Variants in ARHGEF26 observed in about 807,000 individuals in gnomAD.
ARHGEF26 encodes Rho guanine nucleotide exchange factor 26.
In ARHGEF26, 59 loss-of-function variants were observed where a neutral mutation model predicts 89.4. The ratio of observed to expected loss-of-function variants is 0.66; its 90% CI spans 0.54 to 0.82. ARHGEF26 has a LOEUF of 0.82. ARHGEF26 is among the 40% of genes least tolerant of loss of function. ARHGEF26 has a pLI of 0.00. For synonymous variants in ARHGEF26, 500 were observed against 428.4 expected (o/e 1.17, Z -2.06); for missense variants, 1,234 against 1,085.6 (o/e 1.14, Z -1.92).
intron 9 of ARHGEF26, among the ~76,000 whole-genome samples, chr3:154,211,178 C>A (rs1051416614): frequency 6.6e-6 from 1 of 152,022 alleles, no homozygotes; most frequent in Admixed American, 6.5e-5. Flanking sequence ...GTCATGTGAG[C>A]CCCCATTCCA....
At chr3:154,250,259 C>T (rs1376237081) in intron 12 of ARHGEF26, among the ~76,000 whole-genome samples, 3 of 152,140 alleles carry the variant, frequency 2.0e-5, no homozygotes, top group Admixed American at 1.3e-4. Context: ...GAACTCCTGA[C>T]CTCAGGTGAT....
At chr3:154,200,648 A>G (rs939200718) in intron 9 of ARHGEF26, among the ~76,000 whole-genome samples, 3 of 151,768 alleles carry the variant, frequency 2.0e-5, no homozygotes, top group African/African-American at 4.8e-5. Context: ...TTCTTTGGGT[A>G]GTATGGACTT....
chr3:154,157,881 A>G (rs1330166248), intron 6 of ARHGEF26, among the ~76,000 whole-genome samples: 2 of 152,170 alleles, frequency 1.3e-5, no homozygotes, highest in Non-Finnish European at 2.9e-5. Context: ...GGTTAGAACT[A>G]CAGAAAAATC....
chr3:154,147,016 A>T (rs1719742158), intron 4 of ARHGEF26, among the ~76,000 whole-genome samples: 1 of 152,204 alleles, frequency 6.6e-6, no homozygotes, highest in African/African-American at 2.4e-5. Context: ...AGTTCAAATG[A>T]GGTTGCTTTG....
chr3:154,237,501 CACTGCACTCCAG>C (rs1350238160), intron 11 of ARHGEF26, among the ~76,000 whole-genome samples: 1 of 151,230 alleles, frequency 6.6e-6, no homozygotes, highest in East Asian at 2.0e-4. Context: ...GAGAGTGCAC[CACTGCACTCCAG>C]CCTGGGTGAC....
intron 6 of ARHGEF26, among the ~76,000 whole-genome samples, chr3:154,164,745 C>T (rs1255050029): frequency 1.3e-5 from 2 of 152,170 alleles, no homozygotes; most frequent in African/African-American, 4.8e-5. Context: ...GTAGCTTCTA[C>T]TTCTTATTCT....
At chr3:154,157,022 G>A (rs2108108653) in intron 6 of ARHGEF26, among the ~76,000 whole-genome samples, 1 of 152,164 alleles carries the variant, frequency 6.6e-6, no homozygotes, top group East Asian at 1.9e-4. Context: ...TGTGGCTTAG[G>A]TTGTTGACTG....
chr3:154,135,297 A>G (rs1027569665), intron 4 of ARHGEF26, among the ~76,000 whole-genome samples: 11 of 151,982 alleles, frequency 7.2e-5, no homozygotes, highest in Admixed American at 7.2e-4. Flanking sequence ...TCCCTAGTTC[A>G]GTCTTGGGAG....
intron 11 of ARHGEF26, among the ~76,000 whole-genome samples, chr3:154,231,783 A>G (rs1476145928): frequency 1.3e-5 from 2 of 152,112 alleles, no homozygotes; most frequent in African/African-American, 2.4e-5. Context: ...CTTTAACTCT[A>G]TGCCTTTCCC....
At chr3:154,153,891 A>G (rs1349308399) in intron 6 of ARHGEF26, among the ~76,000 whole-genome samples, 1 of 152,090 alleles carries the variant, frequency 6.6e-6, no homozygotes, top group Non-Finnish European at 1.5e-5. Flanking sequence ...CTGCACATTA[A>G]AACTTTCCTT....
At chr3:154,158,795 A>AT (rs58546773) in intron 6 of ARHGEF26, among the ~76,000 whole-genome samples, 2 of 151,804 alleles carry the variant, frequency 1.3e-5, no homozygotes. Flanking sequence ...ATTTCCTTTG[A>AT]TTTTTTTTTG....
At position 154,257,065 on chromosome 3, in the gene ARHGEF26, G is replaced by A. The variant is rs148433801; in HGVS notation, c.*1592G>A. 6.7e-4 allele frequency: 902 copies of A among 1,345,844 alleles called. 8 individuals are homozygous for A. In the African/African-American group the frequency reaches 1.0e-2, roughly 15 times the overall value. 83.4% of individuals were successfully genotyped at this position (1,345,844 alleles called of 1,614,324 possible). On this transcript the variant is annotated 3_prime_UTR_variant, in exon 15 of 15. Transcript: ENST00000465093. ...ATGTGACATGTCCCAACTACTGTCC[G>A]CTAACTAGTTATCCAAATTGTAAAG...
intron 3 of ARHGEF26, among the ~76,000 whole-genome samples, chr3:154,128,587 G>A (rs1477583643): frequency 6.6e-6 from 1 of 152,120 alleles, no homozygotes; most frequent in Non-Finnish European, 1.5e-5. Flanking sequence ...TTGTACTCCA[G>A]CCATGCAGTC....
chr3:154,148,914 T>C (rs1719841344), intron 4 of ARHGEF26, among the ~76,000 whole-genome samples: 1 of 152,156 alleles, frequency 6.6e-6, no homozygotes, highest in Admixed American at 6.5e-5. Flanking sequence ...GGTACAGACT[T>C]GGTATTAGAA....
At chr3:154,222,907 A>AGCTT (rs1184431933) in intron 10 of ARHGEF26, among the ~76,000 whole-genome samples, 1 of 152,144 alleles carries the variant, frequency 6.6e-6, no homozygotes, top group Non-Finnish European at 1.5e-5. Flanking sequence ...AAGACAGGAG[A>AGCTT]GCTTATCCTC....
Position 154,256,213 on chromosome 3 carries a change from A to G in ARHGEF26, c.*740A>G, listed in dbSNP as rs1401738690. 1 of 985,722 alleles carries G rather than the reference A, an allele frequency of 1.0e-6. No individual in the cohort carries two copies. Among genetic ancestry groups the G allele is most frequent in the South Asian group, 4.7e-5 (1 of 21,292 alleles). 61.1% of individuals were successfully genotyped at this position (985,722 alleles called of 1,614,324 possible). A position where few individuals can be genotyped will look rare whatever the true frequency, so the allele number is the denominator to read the frequency against. Reference sequence around the variant, plus strand: ...ATTTAGATGGGTTCATATATGTGAGAAAAACCTGAATATAGGACAGGGGTC... The same window carrying G: ...ATTTAGATGGGTTCATATATGTGAGGAAAACCTGAATATAGGACAGGGGTC... On this transcript the variant is annotated 3_prime_UTR_variant, in exon 15 of 15. Transcript: ENST00000465093.
intron 10 of ARHGEF26, among the ~76,000 whole-genome samples, chr3:154,221,388 A>G (rs1197997135): frequency 2.0e-5 from 3 of 152,182 alleles, no homozygotes; most frequent in Non-Finnish European, 4.4e-5. Flanking sequence ...GGTGGGAAAG[A>G]TTGTTTTACC....
intron 6 of ARHGEF26, among the ~76,000 whole-genome samples, chr3:154,176,517 C>T (rs1307926350): frequency 6.6e-6 from 1 of 152,154 alleles, no homozygotes; most frequent in Non-Finnish European, 1.5e-5. Context: ...TGTCAGCATC[C>T]TTCACAAGCA....
intron 4 of ARHGEF26, among the ~76,000 whole-genome samples, chr3:154,147,105 T>G (rs1208982765): frequency 6.6e-6 from 1 of 152,184 alleles, no homozygotes; most frequent in Non-Finnish European, 1.5e-5. Context: ...TGGTATGAAA[T>G]GTATATTTTA....
Sources: allele counts gnomAD v4.1 joint callset (sites outside exome capture counted in the v4.1 genomes callset), GRCh38; gene constraint gnomAD v4.1.1; transcripts MANE v1.5; gene names NCBI Gene and HGNC (gene_info 2026-07-23, HGNC 2026-07-21).